The following SLC44A5 variants were observed in gnomAD, a reference collection of about 807,000 sequenced individuals.
The protein encoded by SLC44A5 is choline transporter-like protein 5.
Under a neutral mutation model 101.8 loss-of-function variants are expected in SLC44A5, and 57 were observed. The observed-to-expected ratio is 0.56, with a 90% CI of 0.45 to 0.70. The LOEUF is 0.70. Among genes scored for constraint, SLC44A5 ranks in the 30% least tolerant of loss-of-function variants. The probability of loss-of-function intolerance (pLI) is 0.00; values close to 1 mark genes in which losing one functional copy is unlikely to be tolerated. For missense variants in SLC44A5, 737 were observed against 853.1 expected, an observed-to-expected ratio of 0.86 and a Z score of 1.70; for synonymous variants, 281 against 290.9, an observed-to-expected ratio of 0.97 and a Z score of 0.35.
the SLC44A5 span, among the ~76,000 whole-genome samples, chr1:75,668,197 T>A: frequency 3.9e-5 from 6 of 151,924 alleles, no homozygotes; most frequent in African/African-American, 1.5e-4. Flanking sequence ...AGGTATAAGA[T>A]AATAGGTTTT....
At chr1:75,304,884 A>G (rs1654784866) in intron 4 of SLC44A5, among the ~76,000 whole-genome samples, 1 of 151,506 alleles carries the variant, frequency 6.6e-6, no homozygotes, top group Non-Finnish European at 1.5e-5. Context: ...CAGTTGCCCA[A>G]CTCTCTCCCT....
At chr1:75,617,357 T>G in the SLC44A5 span, among the ~76,000 whole-genome samples, 2 of 152,124 alleles carry the variant, frequency 1.3e-5, no homozygotes, top group Non-Finnish European at 2.9e-5. Context: ...ACTAGTGTGG[T>G]GCGGCAAAAA....
chr1:75,687,988 T>C, the SLC44A5 span, among the ~76,000 whole-genome samples: 2 of 152,192 alleles, frequency 1.3e-5, no homozygotes, highest in African/African-American at 4.8e-5. Flanking sequence ...TTATTGCTAA[T>C]TTCTTCCTTG....
At chr1:75,470,761 A>G (rs192807984) in intron 2 of SLC44A5, among the ~76,000 whole-genome samples, 1 of 141,830 alleles carries the variant, frequency 7.1e-6, no homozygotes, top group East Asian at 2.5e-4. Flanking sequence ...TGAGATAAGT[A>G]TGGTGGGAGG....
At chr1:75,666,140 A>C in the SLC44A5 span, among the ~76,000 whole-genome samples, 1 of 152,194 alleles carries the variant, frequency 6.6e-6, no homozygotes, top group South Asian at 2.1e-4. Flanking sequence ...AAAAGAAAAT[A>C]AATTATTCTA....
chr1:75,476,977 T>A (rs1361355339), intron 2 of SLC44A5, among the ~76,000 whole-genome samples: 1 of 152,190 alleles, frequency 6.6e-6, no homozygotes, highest in African/African-American at 2.4e-5. Context: ...CCCTGACCCC[T>A]GAGCAGCCTA....
At chr1:75,396,724 T>A in intron 2 of SLC44A5, 103 bp from the exon 3 acceptor site, 2 of 883,252 alleles carry the variant, frequency 2.3e-6, no homozygotes, top group Non-Finnish European at 3.8e-6. Flanking sequence ...GTCTTTAGAC[T>A]AACACACAAA....
At chr1:75,250,473 G>T (rs1003784069) in intron 7 of SLC44A5, among the ~76,000 whole-genome samples, 5 of 152,120 alleles carry the variant, frequency 3.3e-5, no homozygotes, top group Non-Finnish European at 5.9e-5. Context: ...ACATGTGCAT[G>T]CATCATTTTA....
chr1:75,674,886 G>T, the SLC44A5 span, among the ~76,000 whole-genome samples: 1 of 152,144 alleles, frequency 6.6e-6, no homozygotes, highest in African/African-American at 2.4e-5. Flanking sequence ...TCCATTGCTT[G>T]TTTTTGTCAG....
At chr1:75,654,791 T>G in the SLC44A5 span, among the ~76,000 whole-genome samples, 3 of 152,126 alleles carry the variant, frequency 2.0e-5, no homozygotes, top group Non-Finnish European at 4.4e-5. Context: ...ACTTTTCCCA[T>G]CAAGGTAGAA....
At chr1:75,274,896 A>T in intron 6 of SLC44A5, 62 bp downstream of exon 6, 1 of 1,294,024 alleles carries the variant, frequency 7.7e-7, no homozygotes. Flanking sequence ...TTACTGTAAA[A>T]GTGATATCTA....
At chr1:75,512,179 A>T (rs531193086) in intron 2 of SLC44A5, among the ~76,000 whole-genome samples, 1 of 152,344 alleles carries the variant, frequency 6.6e-6, no homozygotes, top group East Asian at 1.9e-4. Flanking sequence ...GAATTATTTT[A>T]TAAATGAAAA....
At chr1:75,618,466 T>C in the SLC44A5 span, among the ~76,000 whole-genome samples, 1 of 152,228 alleles carries the variant, frequency 6.6e-6, no homozygotes, top group Non-Finnish European at 1.5e-5. Flanking sequence ...GGGTTGCAAT[T>C]AGAATGACTG....
At chr1:75,274,021 T>G (rs1036728908) in intron 6 of SLC44A5, among the ~76,000 whole-genome samples, 1 of 152,130 alleles carries the variant, frequency 6.6e-6, no homozygotes, top group African/African-American at 2.4e-5. Context: ...TTGTTGTCAA[T>G]TTTTAAAATT....
At chr1:75,327,874 C>T (rs539227954) in intron 4 of SLC44A5, among the ~76,000 whole-genome samples, 2 of 152,288 alleles carry the variant, frequency 1.3e-5, no homozygotes, top group Non-Finnish European at 1.5e-5. Flanking sequence ...GCCTTTATGC[C>T]TCCTGATAAG....
At chr1:75,450,868 T>C (rs1034574245) in intron 2 of SLC44A5, among the ~76,000 whole-genome samples, 3 of 152,114 alleles carry the variant, frequency 2.0e-5, no homozygotes, top group African/African-American at 7.2e-5. Context: ...ACTCCAGGTA[T>C]TTGGGGCATC....
rs78772161 is a variant in SLC44A5 at position 75,231,382 on chromosome 1, G to A, written c.853+2604C>T. Among the ~76,000 whole-genome samples the A allele has an allele frequency of 1.5e-3, 228 of 152,118 alleles. 2 individuals carry two copies. The East Asian group carries it at 0.025, about 17-fold the overall frequency. The stretch of plus-strand genomic sequence containing the variant: ...AATGTATTATATAAAACAATACAGC[G>A]CAATCCTCTTTTTAATGTCACGATT... On this transcript the variant is annotated intron_variant, in intron 12 of 23. Transcript: ENST00000370859.
intron 3 of SLC44A5, among the ~76,000 whole-genome samples, chr1:75,386,967 C>T (rs1661402973): frequency 6.6e-6 from 1 of 151,878 alleles, no homozygotes; most frequent in Non-Finnish European, 1.5e-5. Flanking sequence ...GGAAAGGATT[C>T]CCTATTTAAT....
chr1:75,632,603 C>T, the SLC44A5 span, among the ~76,000 whole-genome samples: 1 of 111,236 alleles, frequency 9.0e-6, no homozygotes, highest in African/African-American at 3.9e-5. Flanking sequence ...GACTATCATT[C>T]CTGTTTTTCC....
Sources: allele counts gnomAD v4.1 joint callset (sites outside exome capture counted in the v4.1 genomes callset), GRCh38; gene constraint gnomAD v4.1.1; transcripts MANE v1.5; gene names NCBI Gene and HGNC (gene_info 2026-07-23, HGNC 2026-07-21).